MAF: variants seen among roughly 807,000 people sequenced by gnomAD.
The protein encoded by MAF is transcription factor Maf.
A neutral mutation model predicts 22.0 loss-of-function variants in MAF; 10 were observed. The observed-to-expected ratio is 0.45, with a 90% CI of 0.28 to 0.77. MAF has a LOEUF of 0.77. Among genes scored for constraint, MAF ranks in the 30% least tolerant of loss-of-function variants. The pLI, the probability that MAF is intolerant of heterozygous loss-of-function variation, is 0.12. For synonymous variants in MAF, 337 were observed against 255.8 expected (o/e 1.32, Z -3.03); for missense variants, 544 against 548.4 (o/e 0.99, Z 0.08).
chr16:79,376,876 G>C, the MAF span, among the ~76,000 whole-genome samples: 1 of 152,168 alleles, frequency 6.6e-6, no homozygotes. Flanking sequence ...TGGCTGCATA[G>C]TATTCCATGG....
At chr16:79,494,578 C>T in the MAF span, among the ~76,000 whole-genome samples, 2 of 152,174 alleles carry the variant, frequency 1.3e-5, no homozygotes, top group East Asian at 3.8e-4. Flanking sequence ...GGTCTATAAC[C>T]TCAATCACAT....
At chr16:79,534,493 T>C in the MAF span, among the ~76,000 whole-genome samples, 2 of 151,006 alleles carry the variant, frequency 1.3e-5, no homozygotes, top group South Asian at 2.1e-4. Flanking sequence ...ACATGCGATA[T>C]CCTTTTATCC....
chr16:79,589,472 C>G (rs754914312), downstream of MAF, among the ~76,000 whole-genome samples: 3 of 151,848 alleles, frequency 2.0e-5, no homozygotes, highest in East Asian at 5.8e-4. Flanking sequence ...TACTCTGTCT[C>G]TAACCGAAGC....
chr16:79,272,738 T>A, the MAF span, among the ~76,000 whole-genome samples: 1 of 152,172 alleles, frequency 6.6e-6, no homozygotes, highest in African/African-American at 2.4e-5. Flanking sequence ...CATATTTTTT[T>A]AAACATCTCA....
the MAF span, among the ~76,000 whole-genome samples, chr16:79,379,172 T>C: frequency 1.3e-5 from 2 of 152,196 alleles, no homozygotes; most frequent in African/African-American, 4.8e-5. Context: ...GAATGTTCTC[T>C]TACTTGGTAA....
At chr16:79,527,055 C>T in the MAF span, among the ~76,000 whole-genome samples, 275 of 152,270 alleles carry the variant, frequency 1.8e-3, 1 homozygote, top group Middle Eastern at 3.4e-3. Flanking sequence ...AAACTAACTC[C>T]AACACACCAG....
At chr16:79,487,122 T>A in the MAF span, among the ~76,000 whole-genome samples, 1 of 152,036 alleles carries the variant, frequency 6.6e-6, no homozygotes, top group South Asian at 2.1e-4. Context: ...ACAAAGACCT[T>A]TTAATTAGGT....
At chr16:79,232,671 C>T in the MAF span, among the ~76,000 whole-genome samples, 1 of 151,826 alleles carries the variant, frequency 6.6e-6, no homozygotes, top group Non-Finnish European at 1.5e-5. Flanking sequence ...ATAGTCAATT[C>T]GCATCTGGGG....
the MAF span, among the ~76,000 whole-genome samples, chr16:79,550,759 G>C: frequency 6.8e-6 from 1 of 147,974 alleles, no homozygotes; most frequent in Non-Finnish European, 1.5e-5. Flanking sequence ...GCTAGAGGAA[G>C]AGTCTCCTGA....
downstream of MAF, among the ~76,000 whole-genome samples, chr16:79,581,636 TGA>T (rs1295599911): frequency 6.6e-6 from 1 of 152,062 alleles, no homozygotes; most frequent in Non-Finnish European, 1.5e-5. Flanking sequence ...TTCAATAGAC[TGA>T]GAGGACTAAA....
chr16:79,368,561 A>G, the MAF span, among the ~76,000 whole-genome samples: 1 of 151,842 alleles, frequency 6.6e-6, no homozygotes, highest in Non-Finnish European at 1.5e-5. Context: ...GTTACTGAAA[A>G]CCTTATGTCC....
the MAF span, among the ~76,000 whole-genome samples, chr16:79,365,314 C>T: frequency 2.0e-5 from 3 of 152,192 alleles, no homozygotes; most frequent in African/African-American, 7.2e-5. Context: ...GCACTTTTAG[C>T]AGCTGTAGTT....
At chr16:79,424,591 T>G in the MAF span, among the ~76,000 whole-genome samples, 1 of 152,228 alleles carries the variant, frequency 6.6e-6, no homozygotes, top group Non-Finnish European at 1.5e-5. Context: ...AATGTTTCCA[T>G]GTTTCTGTGA....
chr16:79,277,140 C>A, the MAF span, among the ~76,000 whole-genome samples: 3 of 152,226 alleles, frequency 2.0e-5, no homozygotes, highest in East Asian at 5.8e-4. Context: ...TGGGTTCAAG[C>A]GATCCTCCTG....
chr16:79,295,691 G>C, the MAF span, among the ~76,000 whole-genome samples: 15 of 152,226 alleles, frequency 9.9e-5, no homozygotes, highest in African/African-American at 3.4e-4. Flanking sequence ...CGTTGGAGAA[G>C]GTGTCACAAA....
the MAF span, among the ~76,000 whole-genome samples, chr16:79,497,478 A>G: frequency 6.6e-6 from 1 of 152,160 alleles, no homozygotes; most frequent in South Asian, 2.1e-4. Context: ...TGCACTGCCC[A>G]AGGTCACTGG....
chr16:79,500,670 T>C, the MAF span, among the ~76,000 whole-genome samples: 1 of 152,114 alleles, frequency 6.6e-6, no homozygotes, highest in Admixed American at 6.5e-5. Context: ...GTATGCTCCC[T>C]GGGAAGCATT....
At chr16:79,282,617 G>A in the MAF span, among the ~76,000 whole-genome samples, 11 of 152,274 alleles carry the variant, frequency 7.2e-5, no homozygotes, top group Non-Finnish European at 1.5e-5. Context: ...ACTCTCTTTA[G>A]CCAAAGAAGA....
intron 1 of MAF, chr16:79,598,458 A>AAG (rs1344167042): frequency 3.4e-6 from 4 of 1,187,062 alleles, no homozygotes; most frequent in Non-Finnish European, 4.3e-6. Context: ...GGGGGTGTAA[A>AAG]AAAAAAAAAA....
Sources: gnomAD v4.1 joint callset for allele counts (sites outside exome capture counted in the v4.1 genomes callset) on GRCh38, gnomAD v4.1.1 for gene constraint, MANE v1.5 for transcripts, NCBI Gene and HGNC (gene_info 2026-07-23, HGNC 2026-07-21) for gene names.